The following SIPA1L3 variants were observed in gnomAD, a reference collection of about 807,000 sequenced individuals.
The protein encoded by SIPA1L3 is signal-induced proliferation-associated 1-like protein 3.
In SIPA1L3, 59 loss-of-function variants were observed where a neutral mutation model predicts 150.1. The ratio of observed to expected loss-of-function variants is 0.39; its 90% CI spans 0.32 to 0.49. The LOEUF (loss-of-function observed/expected upper bound fraction) is 0.49, where lower values mean the gene tolerates loss of function less well. SIPA1L3 is among the 20% of genes least tolerant of loss of function. The pLI is 0.86. For synonymous variants in SIPA1L3, 1,070 were observed against 1,077.6 expected, an observed-to-expected ratio of 0.99 and a Z score of 0.14; for missense variants, 2,211 against 2,489.5, an observed-to-expected ratio of 0.89 and a Z score of 2.38.
intron 7 of SIPA1L3, 88 bp downstream of exon 7, chr19:38,106,728 T>G (rs546600238): frequency 2.3e-6 from 2 of 880,666 alleles, no homozygotes. Context: ...CTGTGGATCA[T>G]ATGGAGGCCC....
intron 2 of SIPA1L3, among the ~76,000 whole-genome samples, chr19:38,061,936 G>A (rs1255747259): frequency 1.3e-5 from 2 of 151,456 alleles, no homozygotes; most frequent in Non-Finnish European, 2.9e-5. Flanking sequence ...CCTGTTGATG[G>A]CCCTGTTTTG....
chr19:38,147,491 T>C (rs1600135467), intron 12 of SIPA1L3, among the ~76,000 whole-genome samples: 1 of 152,206 alleles, frequency 6.6e-6, no homozygotes, highest in East Asian at 1.9e-4. Flanking sequence ...TTTTTTTTTC[T>C]GGAAGTTTTA....
intron 12 of SIPA1L3, among the ~76,000 whole-genome samples, chr19:38,150,734 T>C (rs1600139223): frequency 6.6e-6 from 1 of 151,856 alleles, no homozygotes; most frequent in East Asian, 1.9e-4. Flanking sequence ...AGAGATGGGG[T>C]TTTGCCATGT....
At position 38,164,718 on chromosome 19, in the gene SIPA1L3, T is replaced by C. The variant is rs770007099; in HGVS notation, c.4020T>C (p.Ser1340=). Residue 1340 remains serine (S), a synonymous_variant, in exon 15 of 22, where the codon AGT becomes AGC. Coordinates refer to ENST00000222345, the MANE Select transcript of SIPA1L3 (RefSeq NM_015073.3). This position sits in a 1 kb window ranked among gnomAD's most constrained non-coding sequence, Gnocchi z 4.1. ...CCAAGCCACACAAGCCCCCTGGAAG[T>C]ATGGGCCTTTGTGGCGGGGGTCGCG... is the stretch of plus-strand genomic sequence containing the variant. ...RPAKPHKPPG[S]MGLCGGGREA... The C allele has an allele frequency of 6.2e-7, 1 of 1,614,018 alleles. No homozygotes were observed. Among genetic ancestry groups the C allele is most frequent in the Non-Finnish European group, 8.5e-7 (1 of 1,179,962 alleles).
chr19:38,094,836 G>A (rs1970342138), intron 4 of SIPA1L3, among the ~76,000 whole-genome samples: 3 of 152,120 alleles, frequency 2.0e-5, no homozygotes, highest in South Asian at 4.1e-4. Flanking sequence ...GGAGGCCTAC[G>A]CAGGTGGATC....
intron 1 of SIPA1L3, among the ~76,000 whole-genome samples, chr19:37,957,339 G>A (rs141726433): frequency 6.6e-6 from 1 of 152,154 alleles, no homozygotes; most frequent in African/African-American, 2.4e-5. Context: ...GATAGACTGT[G>A]TGTTGACTCT....
intron 16 of SIPA1L3, among the ~76,000 whole-genome samples, chr19:38,191,807 T>A (rs924845418): frequency 2.0e-5 from 3 of 151,970 alleles, no homozygotes; most frequent in African/African-American, 7.3e-5. Context: ...CAAGACTCCA[T>A]CTCAAACAAC....
At chr19:38,128,082 T>C (rs532439553) in intron 9 of SIPA1L3, among the ~76,000 whole-genome samples, 43 of 131,128 alleles carry the variant, frequency 3.3e-4, no homozygotes, top group African/African-American at 1.1e-3. Context: ...TTTGAGACAG[T>C]CTCGCTCTGT....
At chr19:38,019,813 TGTG>T (rs2145698683) in intron 1 of SIPA1L3, among the ~76,000 whole-genome samples, 1 of 152,200 alleles carries the variant, frequency 6.6e-6, no homozygotes, top group East Asian at 1.9e-4. Context: ...TCTGGCCAGG[TGTG>T]GTGGCTCACA....
chr19:37,988,194 A>C (rs1203000762), intron 1 of SIPA1L3, among the ~76,000 whole-genome samples: 1 of 151,976 alleles, frequency 6.6e-6, no homozygotes, highest in African/African-American at 2.4e-5. Context: ...AGAACCTCCC[A>C]TGGGATCTGG....
intron 1 of SIPA1L3, among the ~76,000 whole-genome samples, chr19:38,028,658 C>A (rs963257429): frequency 6.6e-6 from 1 of 151,670 alleles, no homozygotes; most frequent in African/African-American, 2.4e-5. Context: ...GTTGTATTCC[C>A]GGAGCCTGGC....
intron 13 of SIPA1L3, among the ~76,000 whole-genome samples, chr19:38,160,433 C>T (rs533942454): frequency 2.7e-5 from 4 of 148,086 alleles, no homozygotes; most frequent in South Asian, 4.4e-4. Context: ...GACGGAGTCT[C>T]GCTTAGTCTC....
intron 16 of SIPA1L3, among the ~76,000 whole-genome samples, chr19:38,188,450 C>T (rs1402040172): frequency 6.6e-6 from 1 of 151,714 alleles, no homozygotes; most frequent in Non-Finnish European, 1.5e-5. Context: ...CTCCAAAGTG[C>T]TGGGATTACA....
intron 9 of SIPA1L3, among the ~76,000 whole-genome samples, chr19:38,126,886 G>A (rs1971186691): frequency 6.6e-6 from 1 of 152,056 alleles, no homozygotes; most frequent in African/African-American, 2.4e-5. Flanking sequence ...TAAAGCAAAG[G>A]GAATCATATA....
chr19:38,103,150 C>A (rs911472262), intron 6 of SIPA1L3, among the ~76,000 whole-genome samples: 7 of 141,722 alleles, frequency 4.9e-5, no homozygotes, highest in Non-Finnish European at 7.6e-5. Flanking sequence ...AAAAAAAAAA[C>A]AAGGGAATAC....
At chr19:38,101,511 C>T (rs577921442) in intron 6 of SIPA1L3, among the ~76,000 whole-genome samples, 11 of 152,144 alleles carry the variant, frequency 7.2e-5, no homozygotes, top group African/African-American at 2.2e-4. Flanking sequence ...CAGGTTCAAG[C>T]AAGATTCTCC....
intron 15 of SIPA1L3, among the ~76,000 whole-genome samples, chr19:38,168,445 C>T (rs912515241): frequency 5.3e-5 from 8 of 151,502 alleles, no homozygotes; most frequent in South Asian, 4.2e-4. Context: ...GCCTGGGTGA[C>T]GGAGTGAAAC....
intron 1 of SIPA1L3, among the ~76,000 whole-genome samples, chr19:37,975,067 T>C (rs938090387): frequency 4.6e-5 from 7 of 152,142 alleles, no homozygotes; most frequent in African/African-American, 1.7e-4. Flanking sequence ...CTACGGTGCC[T>C]ACCAGACTCC....
At position 38,061,389 on chromosome 19, in the gene SIPA1L3, A is replaced by G. The variant is rs139085747; in HGVS notation, c.-310-19867A>G. On this transcript the variant is annotated intron_variant, in intron 2 of 21. Transcript: ENST00000222345. ...TTTCTTTTTCTTTCTTTTGTTTTCT[A>G]TAATAATCTTGGCCAATTCCTTAGC... Among the ~76,000 whole-genome samples the G allele has an allele frequency of 2.3e-3, 353 of 151,854 alleles. 2 individuals are homozygous for G. Among genetic ancestry groups the G allele is most frequent in the African/African-American group, 8.1e-3 (337 of 41,380 alleles).
Sources: gnomAD v4.1 joint callset for allele counts (sites outside exome capture counted in the v4.1 genomes callset) on GRCh38, gnomAD v4.1.1 for gene constraint, Gnocchi (gnomAD v3.1) non-coding constraint, MANE v1.5 for transcripts, NCBI Gene and HGNC (gene_info 2026-07-23, HGNC 2026-07-21) for gene names.